The following HCN3 variants were observed in gnomAD, a reference collection of about 807,000 sequenced individuals.
HCN3 encodes the protein hyperpolarization activated cyclic nucleotide gated potassium channel 3, also known as potassium/sodium hyperpolarization-activated cyclic nucleotide-gated channel 3.
In HCN3, 36 loss-of-function variants were observed where a neutral mutation model predicts 56.8. The observed-to-expected ratio is 0.63, with a 90% CI of 0.49 to 0.84. HCN3 has a LOEUF of 0.84. HCN3 is among the 40% of genes least tolerant of loss of function. The pLI is 0.00. For missense variants in HCN3, 930 were observed against 1,079.3 expected (o/e 0.86, Z 1.94); for synonymous variants, 425 against 439.7 (o/e 0.97, Z 0.42).
In HCN3 at chr1:155,285,750, C is replaced by T. The variant is rs1557949286; in HGVS notation, c.1263C>T (p.Gly421=). The change falls in exon 6 of 8, where the codon GGC becomes GGT. Residue 421 remains glycine, a synonymous_variant. Coordinates refer to ENST00000368358, the MANE Select transcript of HCN3 (RefSeq NM_020897.3). This position sits in a 1 kb window ranked among gnomAD's most constrained non-coding sequence, Gnocchi z 4.5. The part of the protein sequence containing the change: ...REEIINFTCR[G]LVAHMPLFAH... ...AGATCATTAACTTCACCTGTCGGGG[C>T]CTGGTGGCCCACATGCCGCTGTTTG... is the stretch of plus-strand genomic sequence containing the variant. 1 of 1,614,186 alleles carries T rather than the reference C, an allele frequency of 6.2e-7. No individual in the cohort carries two copies.
At position 155,284,933 on chromosome 1, in the gene HCN3, G is replaced by T. The variant is rs1674216284; in HGVS notation, c.1089+176G>T. ...TTTCCTTGTTTGAACCTATGCCTGT[G>T]CTTGGCCCCTCTGCTGTCCACGCCT... On this transcript the variant is annotated intron_variant, in intron 4 of 7. Coordinates refer to ENST00000368358, the MANE Select transcript of HCN3 (RefSeq NM_020897.3). This position sits in a 1 kb window ranked among gnomAD's most constrained non-coding sequence, Gnocchi z 4.3. Among the ~76,000 whole-genome samples, 1 of 152,196 alleles carries T rather than the reference G, an allele frequency of 6.6e-6. No individual in the cohort carries two copies. The highest frequency in any genetic ancestry group is 6.5e-5 in the Admixed American group (1 of 15,284).
At chr1:155,283,276 A>G (rs896680647) in intron 2 of HCN3, among the ~76,000 whole-genome samples, 1 of 152,118 alleles carries the variant, frequency 6.6e-6, no homozygotes, top group Non-Finnish European at 1.5e-5. Context: ...TGTTCTATAA[A>G]ATGAGAGTGT....
chr1:155,286,075 G>A, intron 6 of HCN3, 111 bp downstream of exon 6: 1 of 1,418,182 alleles, frequency 7.1e-7, no homozygotes, highest in Non-Finnish European at 9.4e-7. Context: ...CAGAGCTCCA[G>A]CCCCTCCCCA....
rs754886184 is a variant in HCN3, at chr1:155,287,925, T to C, written c.1787T>C (p.Leu596Pro). 6.2e-7 allele frequency: 1 copy of C among 1,613,990 alleles called. No homozygotes were observed. Among genetic ancestry groups the C allele is most frequent in the East Asian group, 2.2e-5 (1 of 44,856 alleles). ...CGGGCCCCGAGCACAGGAGCTCAGC[T>C]TAGTGGAAAGCCAGTACTGTGGGAG... ...RGRAPSTGAQ[L>P]SGKPVLWEPL... is the part of the protein sequence containing the mutation. Residue 596 changes from leucine to proline, a missense_variant, in exon 8 of 8, where the codon CTT becomes CCT. Leu to Pro is a moderately conservative substitution (Grantham distance 98). Transcript: ENST00000368358.
chr1:155,286,014 G>A (rs1341338374), intron 6 of HCN3, 50 bp downstream of exon 6: 26 of 1,533,242 alleles, frequency 1.7e-5, no homozygotes, highest in Non-Finnish European at 2.2e-5. Context: ...ACAGTGGAGA[G>A]GGCAACTGCT....
rs375016146 is a variant in HCN3 at position 155,288,146 on chromosome 1, C to A, written c.2008C>A (p.Arg670Ser). Residue 670 changes from arginine to serine, a missense_variant, in exon 8 of 8, where the codon CGC becomes AGC. Coordinates refer to ENST00000368358, the MANE Select transcript of HCN3 (RefSeq NM_020897.3). The surrounding 1 kb of genome is among the most constrained non-coding windows in gnomAD (Gnocchi z 6.5). ...AGCTGGCCCATGGGCATCCACCTCCCGCCTGCCCGCCCCACCTGCCCGAAC... is the reference window on the plus strand; with the variant it reads ...AGCTGGCCCATGGGCATCCACCTCCAGCCTGCCCGCCCCACCTGCCCGAAC... ...VRAGPWASTS[R>S]LPAPPARTLH... The A allele has an allele frequency of 3.8e-6, 6 of 1,584,846 alleles. No homozygotes were observed. The African/African-American group carries it at 5.4e-5, about 14-fold the overall frequency.
At position 155,284,828 on chromosome 1, in the gene HCN3, C is replaced by G; in HGVS notation, c.1089+71C>G. The G allele has an allele frequency of 7.5e-7, 1 of 1,337,960 alleles. No homozygotes were observed. The highest frequency in any genetic ancestry group is 1.0e-6 in the Non-Finnish European group (1 of 966,234). 82.9% of individuals were successfully genotyped at this position (1,337,960 alleles called of 1,614,324 possible). ...AGACTGGGTAGCCTGACTTGAGGCC[C>G]ATTCTGATGTGTGCCCCTGTTGCGT... On this transcript the variant is annotated intron_variant, in intron 4 of 7. Coordinates refer to ENST00000368358, the MANE Select transcript of HCN3 (RefSeq NM_020897.3). The surrounding 1 kb of genome is among the most constrained non-coding windows in gnomAD (Gnocchi z 4.3).
In HCN3 at chr1:155,285,943, A is replaced by T. The variant is rs756418092; in HGVS notation, c.1456A>T (p.Thr486Ser). The change falls in exon 6 of 8, where the codon ACC becomes TCC. Residue 486 changes from threonine (T) to serine (S), a missense_variant. By Grantham distance (58) the Thr-to-Ser change is moderately conservative. Transcript: ENST00000368358. This position sits in a 1 kb window ranked among gnomAD's most constrained non-coding sequence, Gnocchi z 4.5. ...LARGARDTRL[T>S]DGSYFGEICL... ...CCGCGGCGCCCGGGACACACGCCTC[A>T]CCGATGGATCCTACTTTGGGGGTCA... 1.7e-5 allele frequency: 27 copies of T among 1,592,862 alleles called. No individual in the cohort carries two copies.
intron 1 of HCN3, among the ~76,000 whole-genome samples, chr1:155,279,984 T>A (rs925077200): frequency 6.6e-6 from 1 of 152,082 alleles, no homozygotes; most frequent in African/African-American, 2.4e-5. Flanking sequence ...TCTCACTGTG[T>A]CGCCCAGGCT....
intron 1 of HCN3, among the ~76,000 whole-genome samples, chr1:155,278,973 G>T: frequency 6.6e-6 from 1 of 151,678 alleles, no homozygotes; most frequent in Non-Finnish European, 1.5e-5. Context: ...CTGTGAAGAT[G>T]CTTTCATGGC....
intron 2 of HCN3, among the ~76,000 whole-genome samples, chr1:155,283,468 C>A (rs927323957): frequency 5.9e-5 from 9 of 151,802 alleles, no homozygotes; most frequent in African/African-American, 2.2e-4. Context: ...AGGTTAGTTA[C>A]ATATGTATAC....
chr1:155,279,920 T>C (rs1481075131), intron 1 of HCN3, among the ~76,000 whole-genome samples: 1 of 151,854 alleles, frequency 6.6e-6, no homozygotes, highest in Non-Finnish European at 1.5e-5. Flanking sequence ...GGAAGAGTAA[T>C]TTTATTTATT....
chr1:155,289,288 A>G lies in HCN3; in HGVS notation c.*825A>G, dbSNP rs1674431350. 6.6e-6 allele frequency: 1 copy of G among 152,140 alleles called. No homozygotes were observed. The highest frequency in any genetic ancestry group is 1.5e-5 in the Non-Finnish European group (1 of 68,016). The allele number at this position is 152,140 out of a possible 1,614,324, so 9.4% of individuals were successfully genotyped here. A position where few individuals can be genotyped will look rare whatever the true frequency, so the allele number is the denominator to read the frequency against. On this transcript the variant is annotated 3_prime_UTR_variant, in exon 8 of 8. Coordinates refer to ENST00000368358, the MANE Select transcript of HCN3 (RefSeq NM_020897.3). ...GTGATATTTTTTTCTTCGCTTGTTTATTTATTCATTTATTTAATTGTATTT... is the reference window on the plus strand; with the variant it reads ...GTGATATTTTTTTCTTCGCTTGTTTGTTTATTCATTTATTTAATTGTATTT...
chr1:155,278,177 G>A lies in HCN3; in HGVS notation c.278+309G>A, dbSNP rs117968195. Among the ~76,000 whole-genome samples the A allele has an allele frequency of 6.3e-4, 96 of 152,300 alleles. 2 individuals are homozygous for A. In the East Asian group the frequency reaches 0.016, roughly 26 times the overall value. ...CCCATCCGGACCAAAGGAACTACCA[G>A]AGTTTGGGACCCCTGCCTCCTCCAG... On this transcript the variant is annotated intron_variant, in intron 1 of 7. Coordinates refer to ENST00000368358, the MANE Select transcript of HCN3 (RefSeq NM_020897.3).
rs1219107532 is a variant in HCN3, at chr1:155,282,515, T to A, written c.383T>A (p.Val128Asp). 2 of 1,614,222 alleles carry A rather than the reference T, an allele frequency of 1.2e-6. No homozygotes were observed. The highest frequency in any genetic ancestry group is 1.7e-6 in the Non-Finnish European group (2 of 1,180,044). The change falls in exon 2 of 8, where the codon GTC becomes GAC. Residue 128 changes from valine (V) to aspartate (D), a missense_variant. Physicochemically the swap from Val to Asp is radical, Grantham distance 152 (BLOSUM62 -3). Coordinates refer to ENST00000368358, the MANE Select transcript of HCN3 (RefSeq NM_020897.3). This position sits in a 1 kb window ranked among gnomAD's most constrained non-coding sequence, Gnocchi z 4.7. ...GAGGAGAACTCCCCGCCTTGGATCG[T>A]CTTCAACGTATTGTCTGATACTTTC... ...FKEENSPPWI[V>D]FNVLSDTFFL...
intron 1 of HCN3, among the ~76,000 whole-genome samples, chr1:155,281,813 C>T (rs375745571): frequency 1.3e-5 from 2 of 152,142 alleles, no homozygotes; most frequent in African/African-American, 2.4e-5. Context: ...GACAGGGTCT[C>T]GCTCTGTCAG....
At chr1:155,280,272 A>ATTTG (rs532771007) in intron 1 of HCN3, among the ~76,000 whole-genome samples, 214 of 148,612 alleles carry the variant, frequency 1.4e-3, no homozygotes, top group Admixed American at 0.011. Context: ...TATTTTATTT[A>ATTTG]TTTATTTATT....
In HCN3 at chr1:155,285,766, C is replaced by T; in HGVS notation, c.1279C>T (p.Pro427Ser). Residue 427 changes from proline (P) to serine (S), a missense_variant, in exon 6 of 8, where the codon CCG (proline) becomes TCG (serine). Transcript: ENST00000368358. This position sits in a 1 kb window ranked among gnomAD's most constrained non-coding sequence, Gnocchi z 4.5. ...FTCRGLVAHM[P>S]LFAHADPSFV... ...CTGTCGGGGCCTGGTGGCCCACATG[C>T]CGCTGTTTGCCCATGCCGACCCCAG... is the stretch of plus-strand genomic sequence containing the variant. The T allele has an allele frequency of 1.2e-6, 2 of 1,614,176 alleles. No individual in the cohort carries two copies. Among genetic ancestry groups the T allele is most frequent in the Non-Finnish European group, 1.7e-6 (2 of 1,180,014 alleles).
At position 155,288,012 on chromosome 1, in the gene HCN3, C is replaced by T. The variant is rs769098835; in HGVS notation, c.1874C>T (p.Thr625Ile). 1.2e-6 allele frequency: 2 copies of T among 1,614,038 alleles called. No homozygotes were observed. The highest frequency in any genetic ancestry group is 1.7e-6 in the Non-Finnish European group (2 of 1,180,016). Residue 625 changes from threonine to isoleucine, a missense_variant, in exon 8 of 8, where the codon ACT (threonine) becomes ATT (isoleucine). By Grantham distance (89) the Thr-to-Ile change is moderately conservative (BLOSUM62 -1). Transcript: ENST00000368358. This position sits in a 1 kb window ranked among gnomAD's most constrained non-coding sequence, Gnocchi z 6.5. The stretch of plus-strand genomic sequence containing the variant: ...ACCTCCAATGTGGCCATTGCCCTGA[C>T]TCATCAGCGGGGCCCTCTGCCCCTC... ...AVTSNVAIAL[T>I]HQRGPLPLSP...
Sources: allele counts gnomAD v4.1 joint callset (sites outside exome capture counted in the v4.1 genomes callset), GRCh38; gene constraint gnomAD v4.1.1; non-coding constraint Gnocchi (gnomAD v3.1); transcripts MANE v1.5; gene names NCBI Gene and HGNC (gene_info 2026-07-23, HGNC 2026-07-21).